Variants in GALNT17 observed in about 807,000 individuals in gnomAD.
The protein encoded by GALNT17 is polypeptide N-acetylgalactosaminyltransferase 17.
A neutral mutation model predicts 63.7 loss-of-function variants in GALNT17; 29 were observed. The observed-to-expected ratio is 0.46, with a 90% CI of 0.34 to 0.62. GALNT17 has a LOEUF of 0.62. GALNT17 is among the 20% of genes least tolerant of loss of function. The pLI, the probability that GALNT17 is intolerant of heterozygous loss-of-function variation, is 0.01. For missense variants in GALNT17, 603 were observed against 799.6 expected (o/e 0.75, Z 2.97); for synonymous variants, 305 against 318.3 (o/e 0.96, Z 0.45).
chr7:71,247,051 A>G (rs1790112331), intron 1 of GALNT17, among the ~76,000 whole-genome samples: 1 of 152,050 alleles, frequency 6.6e-6, no homozygotes, highest in African/African-American at 2.4e-5. Context: ...CTAGGATTAG[A>G]GGCATGAGCC....
At chr7:71,321,913 T>TCCTTCCTTCCTC (rs1791619171) in intron 1 of GALNT17, among the ~76,000 whole-genome samples, 1 of 24,102 alleles carries the variant, frequency 4.1e-5, no homozygotes, top group Admixed American at 4.9e-4. Flanking sequence ...CTTCCTTCCT[T>TCCTTCCTTCCTC]CCTTCCTTCC....
chr7:71,442,446 G>A (rs1388376177), intron 5 of GALNT17, among the ~76,000 whole-genome samples: 1 of 152,108 alleles, frequency 6.6e-6, no homozygotes, highest in East Asian at 1.9e-4. Context: ...TGATCTGCCT[G>A]CCTCGGCCTC....
intron 5 of GALNT17, among the ~76,000 whole-genome samples, chr7:71,508,341 T>A (rs1446224762): frequency 1.3e-5 from 2 of 152,214 alleles, no homozygotes; most frequent in Non-Finnish European, 2.9e-5. Flanking sequence ...TTTGGCAGCT[T>A]GGAAATATTA....
chr7:71,412,172 G>A (rs1415583723), intron 3 of GALNT17, among the ~76,000 whole-genome samples: 1 of 152,184 alleles, frequency 6.6e-6, no homozygotes, highest in Admixed American at 6.5e-5. Flanking sequence ...GGGCATGGTG[G>A]TGCACGCCTT....
intron 1 of GALNT17, among the ~76,000 whole-genome samples, chr7:71,219,913 A>G (rs1789553013): frequency 6.6e-6 from 1 of 152,242 alleles, no homozygotes; most frequent in South Asian, 2.1e-4. Flanking sequence ...GTGCTCTGGC[A>G]GGTGGATGGC....
At chr7:71,503,947 G>T (rs958442793) in intron 5 of GALNT17, among the ~76,000 whole-genome samples, 1 of 151,954 alleles carries the variant, frequency 6.6e-6, no homozygotes, top group Non-Finnish European at 1.5e-5. Flanking sequence ...TACAAAAAAT[G>T]GCCAGGCGCG....
At chr7:71,260,053 A>T (rs564502638) in intron 1 of GALNT17, among the ~76,000 whole-genome samples, 1 of 152,282 alleles carries the variant, frequency 6.6e-6, no homozygotes, top group South Asian at 2.1e-4. Flanking sequence ...CAGGAATTTT[A>T]TATACAAAAA....
rs1328660099 is a variant in GALNT17 at position 71,421,015 on chromosome 7, C to T, written c.872C>T (p.Ser291Leu). The T allele has an allele frequency of 1.9e-6, 3 of 1,614,040 alleles. No homozygotes were observed. Among genetic ancestry groups the T allele is most frequent in the Admixed American group, 1.7e-5 (1 of 60,000 alleles). Residue 291 changes from serine (S) to leucine (L), a missense_variant, in exon 5 of 11, where the codon TCG becomes TTG. Around this residue, in one of 3 missense-constraint regions of GALNT17, gnomAD observed 336 missense variants for 507.8 expected, o/e 0.66. Coordinates refer to ENST00000333538, the MANE Select transcript of GALNT17 (RefSeq NM_022479.3). ...DNFEVQRYEN[S>L]AHGYSWELWC... ...TTTGAGGTGCAGCGGTACGAGAACT[C>T]GGCCCACGGGTACAGCTGGGAGCTG...
At chr7:71,634,318 G>A (rs748674360) in intron 6 of GALNT17, among the ~76,000 whole-genome samples, 2 of 152,186 alleles carry the variant, frequency 1.3e-5, no homozygotes, top group East Asian at 1.9e-4. Context: ...AATATTTGAA[G>A]AGATTTATTC....
chr7:71,401,456 T>C (rs2116388332), intron 3 of GALNT17, among the ~76,000 whole-genome samples: 1 of 151,992 alleles, frequency 6.6e-6, no homozygotes. Context: ...CTTGTTACCT[T>C]CTTTGTTGTA....
intron 1 of GALNT17, among the ~76,000 whole-genome samples, chr7:71,220,303 C>T (rs939104334): frequency 6.6e-6 from 1 of 152,148 alleles, no homozygotes; most frequent in Admixed American, 6.5e-5. Context: ...TCTGTTAGAC[C>T]TTTCAAAAGG....
intron 5 of GALNT17, among the ~76,000 whole-genome samples, chr7:71,451,947 T>A (rs1787269904): frequency 6.6e-6 from 1 of 152,182 alleles, no homozygotes; most frequent in Non-Finnish European, 1.5e-5. Context: ...CAGTGGCTCA[T>A]GCCTGTAATC....
At chr7:71,171,972 C>A (rs368205244) in intron 1 of GALNT17, among the ~76,000 whole-genome samples, 2 of 152,162 alleles carry the variant, frequency 1.3e-5, no homozygotes, top group East Asian at 3.8e-4. Flanking sequence ...ACCCCCAGCC[C>A]ACCTATCCAA....
rs761390504 is a variant in GALNT17, at chr7:71,250,246, GCT to G, written c.239-85301_239-85300del. Among the ~76,000 whole-genome samples, 134 of 152,036 alleles carry G rather than the reference GCT, an allele frequency of 8.8e-4. 1 individual carries two copies. The highest frequency in any genetic ancestry group is 1.5e-3 in the Non-Finnish European group (105 of 68,002). ...CTGAAAATATTTATGGATGCCATAG[GCT>G]CTTGAGGGATATCTGTCATCCAAGA... is the stretch of plus-strand genomic sequence containing the variant. On this transcript the variant is annotated intron_variant, in intron 1 of 10. Coordinates refer to ENST00000333538, the MANE Select transcript of GALNT17 (RefSeq NM_022479.3).
chr7:71,506,560 C>A (rs1412716121), intron 5 of GALNT17, among the ~76,000 whole-genome samples: 2 of 152,144 alleles, frequency 1.3e-5, no homozygotes, highest in Admixed American at 6.5e-5. Flanking sequence ...AGCTACCCTA[C>A]CTGGACTTAG....
At chr7:71,214,627 G>C (rs1789441830) in intron 1 of GALNT17, among the ~76,000 whole-genome samples, 1 of 148,700 alleles carries the variant, frequency 6.7e-6, no homozygotes, top group Non-Finnish European at 1.5e-5. Flanking sequence ...GCCCAGGCTG[G>C]AGTGCAGTGG....
chr7:71,386,100 A>C (rs762906273), intron 2 of GALNT17, among the ~76,000 whole-genome samples: 12 of 152,194 alleles, frequency 7.9e-5, no homozygotes, highest in Middle Eastern at 3.2e-3. Context: ...CCCGTCAATA[A>C]TCACTGTAAT....
At chr7:71,293,708 A>G (rs1791025190) in intron 1 of GALNT17, among the ~76,000 whole-genome samples, 1 of 152,158 alleles carries the variant, frequency 6.6e-6, no homozygotes, top group Admixed American at 6.5e-5. Context: ...TTTGCAGGGT[A>G]TAGTGTTTTA....
intron 5 of GALNT17, among the ~76,000 whole-genome samples, chr7:71,478,605 C>T (rs534106553): frequency 6.6e-6 from 1 of 152,216 alleles, no homozygotes; most frequent in Non-Finnish European, 1.5e-5. Context: ...GGTGAGCCAC[C>T]GCACCCAGCC....
Sources: gnomAD v4.1 joint callset for allele counts (sites outside exome capture counted in the v4.1 genomes callset) on GRCh38, gnomAD v4.1.1 for gene constraint, gnomAD v4.1.1 regional missense constraint, MANE v1.5 for transcripts, NCBI Gene and HGNC (gene_info 2026-07-23, HGNC 2026-07-21) for gene names.